GALNT18: variants seen among roughly 807,000 people sequenced by gnomAD.
GALNT18 encodes polypeptide N-acetylgalactosaminyltransferase 18.
A neutral mutation model predicts 69.5 loss-of-function variants in GALNT18; 44 were observed. The ratio of observed to expected loss-of-function variants is 0.63; its 90% CI spans 0.50 to 0.81. The LOEUF is 0.81. Ranked by LOEUF, GALNT18 falls within the 40% of genes least tolerant of loss-of-function variation. The pLI is 0.00. For synonymous variants in GALNT18, 364 were observed against 318.2 expected (o/e 1.14, Z -1.53); for missense variants, 715 against 810.0 (o/e 0.88, Z 1.42).
At chr11:11,610,713 T>G (rs529314837) in intron 1 of GALNT18, among the ~76,000 whole-genome samples, 4 of 152,342 alleles carry the variant, frequency 2.6e-5, no homozygotes, top group Admixed American at 2.6e-4. Flanking sequence ...CCATTTACTC[T>G]TAGAAACTAA....
chr11:11,440,696 CA>C (rs1855515577), intron 2 of GALNT18, among the ~76,000 whole-genome samples: 1 of 152,240 alleles, frequency 6.6e-6, no homozygotes, highest in South Asian at 2.1e-4. Context: ...GCTCCTTGTC[CA>C]CATAGCAGTC....
rs1367407917 is a variant in GALNT18 at position 11,318,516 on chromosome 11, G to C, written c.1512+8570C>G. Among the ~76,000 whole-genome samples the C allele has an allele frequency of 6.6e-6, 1 of 152,198 alleles. No individual in the cohort carries two copies. Among genetic ancestry groups the C allele is most frequent in the Non-Finnish European group, 1.5e-5 (1 of 68,036 alleles). On this transcript the variant is annotated intron_variant, in intron 9 of 10. Transcript: ENST00000227756. This position sits in a 1 kb window ranked among gnomAD's most constrained non-coding sequence, Gnocchi z 5.1. ...AATCTTTCCTAGGCCTTCAGAGGGA[G>C]CTTGGCCCTGCTGAGACCGATCTCG...
intron 1 of GALNT18, among the ~76,000 whole-genome samples, chr11:11,537,162 AC>A (rs1857796101): frequency 1.3e-5 from 2 of 152,200 alleles, no homozygotes; most frequent in Non-Finnish European, 2.9e-5. Context: ...CCTGTTCCAA[AC>A]ATGAGGGAAC....
chr11:11,452,723 C>T (rs1188020400), intron 1 of GALNT18, among the ~76,000 whole-genome samples: 3 of 152,112 alleles, frequency 2.0e-5, no homozygotes, highest in Non-Finnish European at 4.4e-5. Flanking sequence ...CTACAGGGGT[C>T]CTGGGGTGTT....
intron 1 of GALNT18, among the ~76,000 whole-genome samples, chr11:11,466,036 GTAT>G (rs1856149354): frequency 6.6e-6 from 1 of 152,138 alleles, no homozygotes; most frequent in African/African-American, 2.4e-5. Context: ...CTACAAAACT[GTAT>G]TTTTTGCATT....
At chr11:11,301,703 C>A (rs1191590452) in intron 9 of GALNT18, among the ~76,000 whole-genome samples, 1 of 152,188 alleles carries the variant, frequency 6.6e-6, no homozygotes, top group Non-Finnish European at 1.5e-5. Context: ...GTAGCTGGAA[C>A]TCAGCCCATC....
intron 1 of GALNT18, among the ~76,000 whole-genome samples, chr11:11,458,137 G>A (rs16909691): frequency 0.011 from 1,628 of 152,288 alleles, 30 homozygotes; most frequent in African/African-American, 0.037. Context: ...GCTCTCTTTG[G>A]GAAAGACCCA....
At chr11:11,495,924 C>T (rs1338558756) in intron 1 of GALNT18, among the ~76,000 whole-genome samples, 5 of 152,186 alleles carry the variant, frequency 3.3e-5, no homozygotes, top group Non-Finnish European at 4.4e-5. Context: ...TCTAAGACTC[C>T]CAACTTGATG....
chr11:11,614,082 A>C lies in GALNT18; in HGVS notation c.235+7277T>G, dbSNP rs12575752. Among the ~76,000 whole-genome samples, 40,668 of 152,074 alleles carry C rather than the reference A, an allele frequency of 0.27. 6,358 individuals carry two copies. The highest frequency in any genetic ancestry group is 0.4 in the Admixed American group (6,167 of 15,282). Reference sequence around the variant, plus strand: ...AAGCCAAGCTTGGCTTTCTGCCACAAACCAAAGGAGACCCTCAAGACCCAA... The same window carrying C: ...AAGCCAAGCTTGGCTTTCTGCCACACACCAAAGGAGACCCTCAAGACCCAA... On this transcript the variant is annotated intron_variant, in intron 1 of 10. Transcript: ENST00000227756. This position sits in a 1 kb window ranked among gnomAD's most constrained non-coding sequence, Gnocchi z 5.6.
chr11:11,361,082 G>C (rs1056893796), intron 6 of GALNT18, among the ~76,000 whole-genome samples: 3 of 152,202 alleles, frequency 2.0e-5, no homozygotes, highest in Non-Finnish European at 4.4e-5. Flanking sequence ...TCTCCAGCTA[G>C]GCTGAGAGCC....
rs772565146 is a variant in GALNT18, at chr11:11,320,411, A to T, written c.1512+6675T>A. Among the ~76,000 whole-genome samples the T allele has an allele frequency of 6.6e-6, 1 of 152,166 alleles. No individual in the cohort carries two copies. The highest frequency in any genetic ancestry group is 1.5e-5 in the Non-Finnish European group (1 of 68,028). ...ACCTTCCCAAAGCTCTCCTTGTCCT[A>T]TGTGGCCATGGTAACAATAAAGATC... On this transcript the variant is annotated intron_variant, in intron 9 of 10. Coordinates refer to ENST00000227756, the MANE Select transcript of GALNT18 (RefSeq NM_198516.3). This position sits in a 1 kb window ranked among gnomAD's most constrained non-coding sequence, Gnocchi z 4.9.
At chr11:11,468,521 T>C (rs1002095003) in intron 1 of GALNT18, among the ~76,000 whole-genome samples, 5 of 146,746 alleles carry the variant, frequency 3.4e-5, no homozygotes, top group Admixed American at 6.9e-5. Flanking sequence ...CTCCCCAGCA[T>C]ACACTTGGAG....
chr11:11,275,630 T>A (rs75149698), intron 10 of GALNT18, among the ~76,000 whole-genome samples: 41 of 152,198 alleles, frequency 2.7e-4, no homozygotes, highest in African/African-American at 9.9e-4. Context: ...CGAATGGTAC[T>A]GCCCAGGTTT....
intron 10 of GALNT18, among the ~76,000 whole-genome samples, chr11:11,281,834 G>A (rs932082057): frequency 2.0e-5 from 3 of 152,040 alleles, no homozygotes; most frequent in Non-Finnish European, 2.9e-5. Context: ...GCGGGTGGAT[G>A]GGACACAACC....
Position 11,271,195 on chromosome 11 carries a change from G to T in GALNT18, c.1773C>A (p.Cys591Ter). 2 of 1,614,100 alleles carry T rather than the reference G, an allele frequency of 1.2e-6. No homozygotes were observed. Among genetic ancestry groups the T allele is most frequent in the Middle Eastern group, 1.7e-4 (1 of 6,060 alleles). ...EFGFQLVLQK[C>*]SGQHWSITNV... Reference sequence around the variant, plus strand: ...TGGTGATGCTCCAGTGCTGGCCCGAGCACTTCTGCAACACCAGCTGGAAGC... The same window carrying T: ...TGGTGATGCTCCAGTGCTGGCCCGATCACTTCTGCAACACCAGCTGGAAGC... Residue 591 changes from cysteine (C) to a stop codon, truncating the protein, a stop_gained, in exon 11 of 11, where the codon TGC becomes TGA. Coordinates refer to ENST00000227756, the MANE Select transcript of GALNT18 (RefSeq NM_198516.3). LOFTEE classifies it high-confidence loss of function.
At position 11,497,886 on chromosome 11, in the gene GALNT18, T is replaced by C. The variant is rs537368349; in HGVS notation, c.236-48950A>G. 5.3e-4 allele frequency among the ~76,000 whole-genome samples: 81 copies of C among 152,206 alleles called. No homozygotes were observed. The highest frequency in any genetic ancestry group is 3.4e-3 in the Middle Eastern group (1 of 294). ...GAGCTGTGTCTCCAGATTGGAGTTC[T>C]ACATCTTTGTTTTCCCTTTTTAAAA... On this transcript the variant is annotated intron_variant, in intron 1 of 10. Transcript: ENST00000227756. The surrounding 1 kb of genome is among the most constrained non-coding windows in gnomAD (Gnocchi z 4.2).
At chr11:11,328,990 AC>A (rs1189404638) in intron 8 of GALNT18, among the ~76,000 whole-genome samples, 1 of 149,180 alleles carries the variant, frequency 6.7e-6, no homozygotes, top group Non-Finnish European at 1.5e-5. Context: ...TCCTTCCCCC[AC>A]CCCCCACCAT....
At chr11:11,567,863 T>C (rs1403811892) in intron 1 of GALNT18, among the ~76,000 whole-genome samples, 2 of 152,222 alleles carry the variant, frequency 1.3e-5, no homozygotes, top group Non-Finnish European at 2.9e-5. Context: ...ATAAACATCC[T>C]ATATATCTTC....
At chr11:11,301,654 A>T (rs1849496802) in intron 9 of GALNT18, among the ~76,000 whole-genome samples, 1 of 152,222 alleles carries the variant, frequency 6.6e-6, no homozygotes, top group Non-Finnish European at 1.5e-5. Flanking sequence ...GAGGCTGAGC[A>T]CAGGCACACG....
Sources: allele counts gnomAD v4.1 joint callset (sites outside exome capture counted in the v4.1 genomes callset), GRCh38; gene constraint gnomAD v4.1.1; non-coding constraint Gnocchi (gnomAD v3.1); transcripts MANE v1.5; gene names NCBI Gene and HGNC (gene_info 2026-07-23, HGNC 2026-07-21).